Variants in GRID2 observed in about 807,000 individuals in gnomAD.
GRID2 encodes the protein glutamate receptor ionotropic, delta-2.
A neutral mutation model predicts 114.8 loss-of-function variants in GRID2; 33 were observed. The observed-to-expected ratio is 0.29, with a 90% CI of 0.22 to 0.38. The LOEUF is 0.38. Among genes scored for constraint, GRID2 ranks in the 10% least tolerant of loss-of-function variants. The pLI is 1.00. For synonymous variants in GRID2, 505 were observed against 449.9 expected (o/e 1.12, Z -1.55); for missense variants, 1,184 against 1,257.7 (o/e 0.94, Z 0.89).
rs116946803 is a variant in GRID2 at position 92,586,964 on chromosome 4, C to A, written c.89-3167C>A. On this transcript the variant is annotated intron_variant, in intron 1 of 15. Transcript: ENST00000282020. Reference sequence around the variant, plus strand: ...CCCCATAAAAGGAACAGAATATCAACCTTTAGTGATGGAAATGACTAAAAA... The same window carrying A: ...CCCCATAAAAGGAACAGAATATCAAACTTTAGTGATGGAAATGACTAAAAA... 2.2e-3 allele frequency among the ~76,000 whole-genome samples: 327 copies of A among 151,952 alleles called. 12 individuals are homozygous for A. The East Asian group carries it at 0.057, about 27-fold the overall frequency.
chr4:93,792,520 A>G (rs1391233390), intron 1 of GRID2, among the ~76,000 whole-genome samples: 1 of 152,112 alleles, frequency 6.6e-6, no homozygotes, highest in Admixed American at 6.6e-5. Context: ...CATTAGGCCA[A>G]TTTTGCATTG....
intron 1 of GRID2, among the ~76,000 whole-genome samples, chr4:92,458,734 CA>C (rs1347741114): frequency 6.6e-6 from 1 of 152,066 alleles, no homozygotes; most frequent in Non-Finnish European, 1.5e-5. Context: ...TTCACTCACC[CA>C]ACATTTATTA....
At chr4:92,831,264 A>G (rs1447899855) in intron 2 of GRID2, among the ~76,000 whole-genome samples, 1 of 152,204 alleles carries the variant, frequency 6.6e-6, no homozygotes, top group Admixed American at 6.5e-5. Flanking sequence ...GAACCAAAGG[A>G]TTGTGAATGA....
At chr4:93,360,342 T>G (rs954166381) in intron 8 of GRID2, among the ~76,000 whole-genome samples, 1 of 152,044 alleles carries the variant, frequency 6.6e-6, no homozygotes, top group Non-Finnish European at 1.5e-5. Flanking sequence ...TCCAGCTTCT[T>G]GAATGGAATA....
chr4:92,792,250 A>G (rs758781734), intron 2 of GRID2, among the ~76,000 whole-genome samples: 10 of 151,694 alleles, frequency 6.6e-5, no homozygotes, highest in Non-Finnish European at 1.0e-4. Context: ...ACTCCAGTGG[A>G]CCTCAAGCAT....
At position 92,386,248 on chromosome 4, in the gene GRID2, C is replaced by G. The variant is rs181953887; in HGVS notation, c.88+81504C>G. ...TCATTATTCCCTTCAGACCTATGAGCTAGATTTTATCAGGAATGCATACTG... is the reference window on the plus strand; with the variant it reads ...TCATTATTCCCTTCAGACCTATGAGGTAGATTTTATCAGGAATGCATACTG... On this transcript the variant is annotated intron_variant, in intron 1 of 15. Coordinates refer to ENST00000282020, the MANE Select transcript of GRID2 (RefSeq NM_001510.4). 3.3e-5 allele frequency among the ~76,000 whole-genome samples: 5 copies of G among 151,692 alleles called. No individual in the cohort carries two copies. The East Asian group carries it at 9.7e-4, about 29-fold the overall frequency.
At chr4:92,801,248 A>G (rs1289058791) in intron 2 of GRID2, among the ~76,000 whole-genome samples, 2 of 152,000 alleles carry the variant, frequency 1.3e-5, no homozygotes, top group East Asian at 1.9e-4. Context: ...TTTGCCAATC[A>G]TTTATCTTGT....
chr4:93,090,667 C>G (rs768288663), intron 3 of GRID2, among the ~76,000 whole-genome samples: 1 of 152,180 alleles, frequency 6.6e-6, no homozygotes, highest in African/African-American at 2.4e-5. Flanking sequence ...ATATTATCTT[C>G]TGCTGATCTT....
At chr4:92,574,387 A>G (rs187833278) in intron 1 of GRID2, among the ~76,000 whole-genome samples, 132 of 147,014 alleles carry the variant, frequency 9.0e-4, no homozygotes, top group Middle Eastern at 7.0e-3. Flanking sequence ...TGATTGCTAT[A>G]TAGTGTTACT....
chr4:92,949,576 G>C (rs1429100705), intron 2 of GRID2, among the ~76,000 whole-genome samples: 1 of 151,364 alleles, frequency 6.6e-6, no homozygotes, highest in Non-Finnish European at 1.5e-5. Flanking sequence ...GATAAGAAAT[G>C]GGAAGAAAAT....
chr4:92,839,999 C>G (rs1333540586), intron 2 of GRID2, among the ~76,000 whole-genome samples: 1 of 151,950 alleles, frequency 6.6e-6, no homozygotes, highest in Non-Finnish European at 1.5e-5. Context: ...TCTGGGCACT[C>G]CACTGTTGAG....
chr4:93,379,873 C>A (rs1482627795), intron 8 of GRID2, among the ~76,000 whole-genome samples: 1 of 152,054 alleles, frequency 6.6e-6, no homozygotes, highest in African/African-American at 2.4e-5. Flanking sequence ...TTGAGATACA[C>A]AAAGCATCAA....
intron 4 of GRID2, among the ~76,000 whole-genome samples, chr4:93,170,188 A>G (rs1027492707): frequency 3.9e-5 from 6 of 152,014 alleles, no homozygotes; most frequent in Admixed American, 3.9e-4. Flanking sequence ...GGCTCAAGCA[A>G]TTCTCCTACC....
At chr4:92,664,204 G>A (rs930110679) in intron 2 of GRID2, among the ~76,000 whole-genome samples, 3 of 150,838 alleles carry the variant, frequency 2.0e-5, no homozygotes, top group Non-Finnish European at 3.0e-5. Context: ...TTTTCCTTTT[G>A]ATTATTTTAA....
At chr4:93,748,330 C>G (rs1732024814) in intron 14 of GRID2, among the ~76,000 whole-genome samples, 1 of 151,972 alleles carries the variant, frequency 6.6e-6, no homozygotes, top group South Asian at 2.1e-4. Flanking sequence ...ATATGGCCAA[C>G]AGTTAATTTC....
At chr4:92,786,440 C>T (rs1040945213) in intron 2 of GRID2, among the ~76,000 whole-genome samples, 4 of 151,520 alleles carry the variant, frequency 2.6e-5, no homozygotes, top group Non-Finnish European at 5.9e-5. Context: ...CTTTTTTAAA[C>T]TCTATATTTT....
chr4:93,431,648 A>G (rs1456369654), intron 10 of GRID2, among the ~76,000 whole-genome samples: 1 of 152,164 alleles, frequency 6.6e-6, no homozygotes. Flanking sequence ...AATGACATGC[A>G]TATGTATTAT....
intron 5 of GRID2, among the ~76,000 whole-genome samples, chr4:93,212,408 T>TCAATCATA (rs1743639049): frequency 6.6e-6 from 1 of 152,158 alleles, no homozygotes; most frequent in African/African-American, 2.4e-5. Flanking sequence ...TATGGTGTAA[T>TCAATCATA]CAATCATATG....
intron 11 of GRID2, among the ~76,000 whole-genome samples, chr4:93,486,303 C>A (rs951106162): frequency 4.0e-5 from 6 of 151,632 alleles, no homozygotes; most frequent in African/African-American, 1.2e-4. Flanking sequence ...TAATCCGTAA[C>A]TTTTGTTTCA....
Sources: gnomAD v4.1 joint callset for allele counts (sites outside exome capture counted in the v4.1 genomes callset) on GRCh38, gnomAD v4.1.1 for gene constraint, MANE v1.5 for transcripts, NCBI Gene and HGNC (gene_info 2026-07-23, HGNC 2026-07-21) for gene names.